RAB3B: variants seen among roughly 807,000 people sequenced by gnomAD.
RAB3B encodes the protein RAB3B, member RAS oncogene family, also known as ras-related protein Rab-3B.
In RAB3B, 11 loss-of-function variants were observed where a neutral mutation model predicts 20.5. That is an observed-to-expected ratio of 0.54 (90% CI 0.34 to 0.89). The LOEUF is 0.89. Ranked by LOEUF, RAB3B falls within the 40% of genes least tolerant of loss-of-function variation. RAB3B has a pLI of 0.02. For synonymous variants in RAB3B, 99 were observed against 106.3 expected (o/e 0.93, Z 0.42); for missense variants, 225 against 280.9 (o/e 0.80, Z 1.42).
intron 1 of RAB3B, among the ~76,000 whole-genome samples, chr1:51,978,236 C>T (rs1174681610): frequency 6.6e-6 from 1 of 152,202 alleles, no homozygotes; most frequent in South Asian, 2.1e-4. Flanking sequence ...ATAATAAGCA[C>T]TCAGGAAATG....
At chr1:51,920,713 G>C (rs975680412) in intron 4 of RAB3B, among the ~76,000 whole-genome samples, 1 of 152,152 alleles carries the variant, frequency 6.6e-6, no homozygotes, top group Non-Finnish European at 1.5e-5. Flanking sequence ...GAGAAGCCCA[G>C]GTTTTGGACT....
chr1:51,968,031 G>A (rs1003715397), intron 2 of RAB3B, among the ~76,000 whole-genome samples: 6 of 152,158 alleles, frequency 3.9e-5, no homozygotes, highest in African/African-American at 1.2e-4. Flanking sequence ...CAAGGAGGAG[G>A]TTCAGAGAGG....
At chr1:51,931,863 A>T (rs1684331676) in intron 4 of RAB3B, among the ~76,000 whole-genome samples, 1 of 152,086 alleles carries the variant, frequency 6.6e-6, no homozygotes, top group African/African-American at 2.4e-5. Flanking sequence ...TTCCAAGCAG[A>T]TGAAATATAG....
chr1:51,981,192 A>G (rs1292788331), intron 1 of RAB3B, among the ~76,000 whole-genome samples: 1 of 152,052 alleles, frequency 6.6e-6, no homozygotes, highest in Non-Finnish European at 1.5e-5. Context: ...CACCATGCTC[A>G]GCTAATTTTT....
At position 51,914,724 on chromosome 1, in the gene RAB3B, T is replaced by A. The variant is rs1684057402; in HGVS notation, c.*5203A>T. On this transcript the variant is annotated 3_prime_UTR_variant, in exon 5 of 5. Transcript: ENST00000371655. The stretch of plus-strand genomic sequence containing the variant: ...TGATTCCCCAACTATGGCAGGTAAT[T>A]GGGTGTAGGCTTGGGGCAGGGAATC... The A allele has an allele frequency of 6.6e-6, 1 of 152,140 alleles. No individual in the cohort carries two copies. Among genetic ancestry groups the A allele is most frequent in the African/African-American group, 2.4e-5 (1 of 41,438 alleles). The allele number at this position is 152,140 out of a possible 1,614,324, so 9.4% of individuals were successfully genotyped here.
At chr1:51,926,365 A>T (rs1487703246) in intron 4 of RAB3B, among the ~76,000 whole-genome samples, 2 of 152,236 alleles carry the variant, frequency 1.3e-5, no homozygotes, top group Non-Finnish European at 2.9e-5. Context: ...ACTAGCTTGC[A>T]GTGCCTCCTT....
At chr1:51,986,294 A>G (rs955441988) in intron 1 of RAB3B, among the ~76,000 whole-genome samples, 1 of 151,874 alleles carries the variant, frequency 6.6e-6, no homozygotes, top group African/African-American at 2.4e-5. Context: ...GGGACTACAG[A>G]CACCCGCCAC....
intron 4 of RAB3B, among the ~76,000 whole-genome samples, chr1:51,920,606 G>A (rs989269176): frequency 3.3e-5 from 5 of 152,134 alleles, no homozygotes; most frequent in African/African-American, 1.2e-4. Flanking sequence ...TTGCCCCTGA[G>A]GAAGGAGTCT....
At chr1:51,941,099 G>C (rs1049014652) in intron 2 of RAB3B, among the ~76,000 whole-genome samples, 1 of 152,092 alleles carries the variant, frequency 6.6e-6, no homozygotes, top group Non-Finnish European at 1.5e-5. Context: ...TCACATGAAA[G>C]TGTGCTTATT....
intron 4 of RAB3B, among the ~76,000 whole-genome samples, chr1:51,929,330 CT>C (rs956055193): frequency 6.6e-6 from 1 of 151,144 alleles, no homozygotes; most frequent in Non-Finnish European, 1.5e-5. Context: ...CATTCTCTCC[CT>C]TTTTTTTTCT....
chr1:51,921,198 T>G (rs1440469091), intron 4 of RAB3B, among the ~76,000 whole-genome samples: 1 of 152,074 alleles, frequency 6.6e-6, no homozygotes, highest in Non-Finnish European at 1.5e-5. Flanking sequence ...CTGTCTGCTT[T>G]CCTCTTTCCC....
rs1206865317 is a variant in RAB3B at position 51,915,717 on chromosome 1, TG to T, written c.*4209del. The T allele has an allele frequency of 6.6e-6, 1 of 152,308 alleles. No individual in the cohort carries two copies. Among genetic ancestry groups the T allele is most frequent in the South Asian group, 2.1e-4 (1 of 4,834 alleles). 9.4% of individuals were successfully genotyped at this position (152,308 alleles called of 1,614,324 possible). A position where few individuals can be genotyped will look rare whatever the true frequency, so the allele number is the denominator to read the frequency against. On this transcript the variant is annotated 3_prime_UTR_variant, in exon 5 of 5. Transcript: ENST00000371655. ...TTTGTTTGCTTGTTTTGTTTTGAGA[TG>T]GAGTCTCGCTCTGTCACCCAGGCTG...
rs1358271999 is a variant in RAB3B, at chr1:51,908,332, C to T, written c.*11595G>A. Reference sequence around the variant, plus strand: ...GCAACTGCAGTTTTTGCTAATTGTTCCTCCTGAGGAATTCTGCTCATACTG... The same window carrying T: ...GCAACTGCAGTTTTTGCTAATTGTTTCTCCTGAGGAATTCTGCTCATACTG... On this transcript the variant is annotated 3_prime_UTR_variant, in exon 5 of 5. Coordinates refer to ENST00000371655, the MANE Select transcript of RAB3B (RefSeq NM_002867.4). The T allele has an allele frequency of 2.0e-5, 3 of 152,102 alleles. No homozygotes were observed. In the East Asian group the frequency reaches 5.8e-4, roughly 29 times the overall value. The allele number at this position is 152,102 out of a possible 1,614,324, so 9.4% of individuals were successfully genotyped here.
rs751314682 is a variant in RAB3B, at chr1:51,911,906, A to G, written c.*8021T>C. ...CACCTGGTTTGGGTTAGGGAGTAGTAGTACTACTAAAGAAGAGATTACTAT... is the reference window on the plus strand; with the variant it reads ...CACCTGGTTTGGGTTAGGGAGTAGTGGTACTACTAAAGAAGAGATTACTAT... On this transcript the variant is annotated 3_prime_UTR_variant, in exon 5 of 5. Coordinates refer to ENST00000371655, the MANE Select transcript of RAB3B (RefSeq NM_002867.4). 2 of 152,144 alleles carry G rather than the reference A, an allele frequency of 1.3e-5. No homozygotes were observed. The highest frequency in any genetic ancestry group is 2.9e-5 in the Non-Finnish European group (2 of 68,028). The allele number at this position is 152,144 out of a possible 1,614,324, so 9.4% of individuals were successfully genotyped here.
At chr1:51,933,271 G>GCATGTGTACAAATGCACACATGCACATA (rs770195870) in intron 4 of RAB3B, 47 bp downstream of exon 4, 64 of 1,596,778 alleles carry the variant, frequency 4.0e-5, no homozygotes, top group Admixed American at 8.6e-5. Context: ...ACTCTCATGA[G>GCATGTGTACAAATGCACACATGCACATA]CATGTGTACA....
chr1:51,953,677 T>C (rs1297102988), intron 2 of RAB3B, among the ~76,000 whole-genome samples: 1 of 152,190 alleles, frequency 6.6e-6, no homozygotes, highest in Admixed American at 6.5e-5. Context: ...GGCGCACGCC[T>C]GTAGTCCCAG....
At chr1:51,937,576 C>A (rs1684424054) in intron 2 of RAB3B, among the ~76,000 whole-genome samples, 164 bp from the exon 3 acceptor site, 2 of 152,056 alleles carry the variant, frequency 1.3e-5, no homozygotes, top group Non-Finnish European at 2.9e-5. Flanking sequence ...CAGCTCACTG[C>A]AACCTCTGCC....
intron 4 of RAB3B, among the ~76,000 whole-genome samples, chr1:51,932,530 A>G (rs1049082242): frequency 7.2e-5 from 11 of 152,182 alleles, no homozygotes; most frequent in Admixed American, 4.6e-4. Flanking sequence ...AAAATATGTT[A>G]AGCTTGGAAA....
chr1:51,920,385 T>A (rs1684156252), intron 4 of RAB3B, among the ~76,000 whole-genome samples: 2 of 152,174 alleles, frequency 1.3e-5, no homozygotes. Flanking sequence ...ACAAATCAAT[T>A]TCCTGGTTTG....
Sources: gnomAD v4.1 joint callset for allele counts (sites outside exome capture counted in the v4.1 genomes callset) on GRCh38, gnomAD v4.1.1 for gene constraint, MANE v1.5 for transcripts, NCBI Gene and HGNC (gene_info 2026-07-23, HGNC 2026-07-21) for gene names.